Variants in MUC4 observed in about 807,000 individuals in gnomAD.
The protein encoded by MUC4 is mucin 4, cell surface associated, also known as mucin-4.
In MUC4, 202 loss-of-function variants were observed where a neutral mutation model predicts 257.9. The ratio of observed to expected loss-of-function variants is 0.78; its 90% confidence interval spans 0.70 to 0.88. MUC4 has a LOEUF of 0.88. MUC4 is among the 40% of genes least tolerant of loss of function. The pLI is 0.00. For synonymous variants in MUC4, 2,351 were observed against 2,757.1 expected (o/e 0.85, Z 4.62); for missense variants, 5,976 against 6,513.7 (o/e 0.92, Z 2.84).
Position 195,747,155 on chromosome 3 carries a change from GC to G in MUC4, c.*20del. ...TAAGGATGAGGTGAGTCTTGAGGTA[GC>G]CTAGGCCACAGCTGCCCCTTCAAGG... On this transcript the variant is annotated 3_prime_UTR_variant, in exon 25 of 25. Transcript: ENST00000463781. 6.2e-7 allele frequency: 1 copy of G among 1,614,080 alleles called. No individual in the cohort carries two copies. Among genetic ancestry groups the G allele is most frequent in the South Asian group, 1.1e-5 (1 of 91,082 alleles).
chr3:195,790,344 T>G lies in MUC4; in HGVS notation c.1236A>C (p.Leu412=), dbSNP rs376774582. ...STLGNTEETS[L]SVSGTISAIT... Reference sequence around the variant, plus strand: ...TTGCAGAAATGGTTCCACTTACAGATAGTGATGTCTCCTCTGTGTTTCCAA... The same window carrying G: ...TTGCAGAAATGGTTCCACTTACAGAGAGTGATGTCTCCTCTGTGTTTCCAA... Residue 412 remains leucine, a synonymous_variant, in exon 2 of 25, where the codon CTA becomes CTC. Coordinates refer to ENST00000463781, the MANE Select transcript of MUC4 (RefSeq NM_018406.7). 1 of 1,613,950 alleles carries G rather than the reference T, an allele frequency of 6.2e-7. No individual in the cohort carries two copies. The highest frequency in any genetic ancestry group is 8.5e-7 in the Non-Finnish European group (1 of 1,179,808).
chr3:195,782,610 G>A lies in MUC4; in HGVS notation c.8970C>T (p.Ala2990=), dbSNP rs1321355807. Residue 2990 remains alanine, a synonymous_variant, in exon 2 of 25, where the codon GCC becomes GCT. Coordinates refer to ENST00000463781, the MANE Select transcript of MUC4 (RefSeq NM_018406.7). ...AAGTGTCGGTGACAGGAAGAAGGGT[G>A]GCGTGACCTGTGGATGCTGAGGAAG... ...TDTSSASTGH[A]TLLPVTDTSS... The A allele has an allele frequency of 4.4e-5, 40 of 910,518 alleles. 5 individuals are homozygous for A. The highest frequency in any genetic ancestry group is 6.0e-5 in the Non-Finnish European group (38 of 637,550). The allele number at this position is 910,518 out of a possible 1,614,324, so 56.4% of individuals were successfully genotyped here.
At chr3:195,767,120 G>A (rs1319929791) in intron 7 of MUC4, among the ~76,000 whole-genome samples, 4 of 152,090 alleles carry the variant, frequency 2.6e-5, no homozygotes, top group African/African-American at 4.8e-5. Context: ...AGTGTATTGT[G>A]ATGGTTAAGA....
At chr3:195,756,340 C>T (rs1469032254) in intron 18 of MUC4, among the ~76,000 whole-genome samples, 1 of 152,230 alleles carries the variant, frequency 6.6e-6, no homozygotes, top group African/African-American at 2.4e-5. Flanking sequence ...CCCAGGGACC[C>T]ACAACCACCT....
rs769490996 is a variant in MUC4 at position 195,788,896 on chromosome 3, C to G, written c.2684G>C (p.Ser895Thr). Residue 895 changes from serine (S) to threonine (T), a missense_variant, in exon 2 of 25, where the codon AGT (serine) becomes ACT (threonine). Physicochemically the swap from Ser to Thr is moderately conservative, Grantham distance 58. Transcript: ENST00000463781. ...GGCGGCTGTCTCCTGAGGAGAGGCA[C>G]TGGGAGAAGTTGGGCTTGACTGTCC... ...PTGQSSPTSP[S>T]ASPQETAAIS... The G allele has an allele frequency of 1.2e-6, 2 of 1,613,590 alleles. No homozygotes were observed. The highest frequency in any genetic ancestry group is 1.7e-5 in the Admixed American group (1 of 59,938).
rs767528396 is a variant in MUC4 at position 195,791,143 on chromosome 3, G to T, written c.437C>A (p.Ser146Tyr). The T allele has an allele frequency of 1.9e-6, 3 of 1,613,928 alleles. No individual in the cohort carries two copies. In the South Asian group the frequency reaches 3.3e-5, roughly 18 times the overall value. The change falls in exon 2 of 25, where the codon TCC becomes TAC. Residue 146 changes from serine (S) to tyrosine (Y), a missense_variant. By Grantham distance (144) the Ser-to-Tyr change is moderately radical (BLOSUM62 -2). This residue lies in a region of MUC4 where 1,583 missense variants were observed against 1,257.4 expected (regional missense o/e 1.26). Transcript: ENST00000463781. ...TGTCTCTTCTGTGTTTCCAAGAGTG[G>T]AGTCTGTGGAGGTTGTCATTGTTAT... ...KTITMTTSTD[S>Y]TLGNTEETST...
In MUC4 at chr3:195,788,269, G is replaced by A. The variant is rs1322942869; in HGVS notation, c.3311C>T (p.Ser1104Phe). 1 of 1,472,074 alleles carries A rather than the reference G, an allele frequency of 6.8e-7. No homozygotes were observed. Among genetic ancestry groups the A allele is most frequent in the African/African-American group, 1.5e-5 (1 of 68,808 alleles). The allele number at this position is 1,472,074 out of a possible 1,614,324, so 91.2% of individuals were successfully genotyped here. A position where few individuals can be genotyped will look rare whatever the true frequency, so the allele number is the denominator to read the frequency against. ...TGAGGAAGTGTCGGTGACAGGAAGAGAGGTGGCGTGACCTGTGGATGCTGA... is the reference window on the plus strand; with the variant it reads ...TGAGGAAGTGTCGGTGACAGGAAGAAAGGTGGCGTGACCTGTGGATGCTGA... ...TSSASTGHAT[S>F]LPVTDTSSVS... The change falls in exon 2 of 25, where the codon TCT becomes TTT. Residue 1104 changes from serine to phenylalanine, a missense_variant. Physicochemically the swap from Ser to Phe is radical, Grantham distance 155. Coordinates refer to ENST00000463781, the MANE Select transcript of MUC4 (RefSeq NM_018406.7).
At position 195,751,217 on chromosome 3, in the gene MUC4, C is replaced by G. The variant is rs749877431; in HGVS notation, c.15637G>C (p.Val5213Leu). Reference sequence around the variant, plus strand: ...CACAGTCCCACTTACATTCGTTCCACTTGGCTGTTGCGGAGAAAGGCCCGC... The same window carrying G: ...CACAGTCCCACTTACATTCGTTCCAGTTGGCTGTTGCGGAGAAAGGCCCGC... ...DMRAFLRNSQVERIDSAAPAS... is the reference protein window; with the variant it reads ...DMRAFLRNSQLERIDSAAPAS... The change falls in exon 22 of 25, where the codon GTG becomes CTG. Residue 5213 changes from valine (V) to leucine (L), a missense_variant. Transcript: ENST00000463781. The G allele has an allele frequency of 1.2e-6, 2 of 1,606,396 alleles. No individual in the cohort carries two copies. The highest frequency in any genetic ancestry group is 2.2e-5 in the South Asian group (2 of 89,242).
chr3:195,802,386 C>CCCCTGCTCTCAGCCTCCACCACAA (rs1735448919), intron 1 of MUC4, among the ~76,000 whole-genome samples: 1 of 151,886 alleles, frequency 6.6e-6, no homozygotes, highest in Non-Finnish European at 1.5e-5. Flanking sequence ...GGGTTCCGCA[C>CCCCTGCTCTCAGCCTCCACCACAA]CCCTGCTCTC....
intron 16 of MUC4, among the ~76,000 whole-genome samples, chr3:195,760,628 C>G (rs761509431): frequency 9.4e-6 from 1 of 106,102 alleles, no homozygotes; most frequent in Non-Finnish European, 2.1e-5. Context: ...AGGCATCCAG[C>G]GCTAGGATGG....
chr3:195,750,739 C>G, intron 23 of MUC4, 150 bp downstream of exon 23: 1 of 760,704 alleles, frequency 1.3e-6, no homozygotes, highest in Non-Finnish European at 2.1e-6. Flanking sequence ...GCTCTCGAAT[C>G]TAAAAAGCAG....
chr3:195,767,567 C>CCAT (rs1560261808), intron 7 of MUC4, among the ~76,000 whole-genome samples: 4 of 109,214 alleles, frequency 3.7e-5, no homozygotes, highest in Admixed American at 8.3e-5. Context: ...ACCATTGCCA[C>CCAT]CACCATCACC....
At chr3:195,751,321 G>A (rs1156864354) in intron 21 of MUC4, 50 bp from the exon 22 acceptor site, 4 of 1,399,846 alleles carry the variant, frequency 2.9e-6, no homozygotes, top group East Asian at 2.4e-5. Context: ...CCATCCGGGG[G>A]GGAGACGCCC....
chr3:195,746,903 T>C lies in MUC4; in HGVS notation c.*273A>G, dbSNP rs571902277. ...ATGAACTCGTGTGTGTGTGTGTGTG[T>C]GTGCACGCGCGCGTGCACAGGCTAG... On this transcript the variant is annotated 3_prime_UTR_variant, in exon 25 of 25. Coordinates refer to ENST00000463781, the MANE Select transcript of MUC4 (RefSeq NM_018406.7). 513 of 544,046 alleles carry C rather than the reference T, an allele frequency of 9.4e-4. No homozygotes were observed. The highest frequency in any genetic ancestry group is 1.8e-3 in the Admixed American group (54 of 29,464). The allele number at this position is 544,046 out of a possible 1,614,324, so 33.7% of individuals were successfully genotyped here.
intron 7 of MUC4, among the ~76,000 whole-genome samples, chr3:195,767,672 TCACCACCATCACTG>T (rs1560263279): frequency 1.1e-4 from 1 of 9,082 alleles, no homozygotes; most frequent in African/African-American, 9.7e-4. Flanking sequence ...ACCATCACCA[TCACCACCATCACTG>T]GCCACCCCCC....
At chr3:195,778,701 G>T in intron 2 of MUC4, 89 bp downstream of exon 2, 1 of 1,415,682 alleles carries the variant, frequency 7.1e-7, no homozygotes, top group Non-Finnish European at 9.6e-7. Flanking sequence ...CAGGTAATGC[G>T]AATGCACCAG....
chr3:195,753,292 G>A (rs1418525459), intron 19 of MUC4, 62 bp from the exon 20 acceptor site: 55 of 1,518,106 alleles, frequency 3.6e-5, no homozygotes, highest in South Asian at 1.3e-4. Flanking sequence ...GGCCCAGCCC[G>A]TGGAAACCCG....
Position 195,750,935 on chromosome 3 carries a change from C to T in MUC4, c.15825G>A (p.Val5275=). Residue 5275 remains valine (V), a synonymous_variant, in exon 23 of 25, where the codon GTG becomes GTA. Coordinates refer to ENST00000463781, the MANE Select transcript of MUC4 (RefSeq NM_018406.7). ...CTTCCCCGGAGATGGGCTGGAAGAC[C>T]ACGTCGTTCCTGGGCTCCTCACTCC... The part of the protein sequence containing the change: ...PRRSEEPRND[V]VFQPISGEDV... The T allele has an allele frequency of 6.2e-7, 1 of 1,614,000 alleles. No individual in the cohort carries two copies. The highest frequency in any genetic ancestry group is 8.5e-7 in the Non-Finnish European group (1 of 1,180,012).
Position 195,759,031 on chromosome 3 carries a change from G to C in MUC4, c.14986+93C>G, listed in dbSNP as rs1718247563. ...AAATGAAAGAGTGACAGCAAGTGTT[G>C]CTGGGTGTAGCAATGCAGAATTTCC... On this transcript the variant is annotated intron_variant, in intron 17 of 24. Coordinates refer to ENST00000463781, the MANE Select transcript of MUC4 (RefSeq NM_018406.7). 4 of 1,459,638 alleles carry C rather than the reference G, an allele frequency of 2.7e-6. No homozygotes were observed. The East Asian group carries it at 9.2e-5, about 33-fold the overall frequency. 90.4% of individuals were successfully genotyped at this position (1,459,638 alleles called of 1,614,324 possible). A position where few individuals can be genotyped will look rare whatever the true frequency, so the allele number is the denominator to read the frequency against.
Sources: gnomAD v4.1 joint callset for allele counts (sites outside exome capture counted in the v4.1 genomes callset) on GRCh38, gnomAD v4.1.1 for gene constraint, gnomAD v4.1.1 regional missense constraint, MANE v1.5 for transcripts, NCBI Gene and HGNC (gene_info 2026-07-23, HGNC 2026-07-21) for gene names.